The following COL21A1 variants were observed in gnomAD, a reference collection of about 807,000 sequenced individuals.
The protein encoded by COL21A1 is collagen alpha-1(XXI) chain.
Under a neutral mutation model 137.9 loss-of-function variants are expected in COL21A1, and 149 were observed. The ratio of observed to expected loss-of-function variants is 1.08; its 90% CI spans 0.95 to 1.24. The LOEUF is 1.24. COL21A1 is among the 50% of genes most tolerant of loss of function. The pLI is 0.00. For missense variants in COL21A1, 1,167 were observed against 1,158.4 expected, an observed-to-expected ratio of 1.01 and a Z score of -0.11; for synonymous variants, 456 against 391.5, an observed-to-expected ratio of 1.16 and a Z score of -1.95.
intron 1 of COL21A1, among the ~76,000 whole-genome samples, chr6:56,237,388 C>T (rs1341086877): frequency 6.6e-6 from 1 of 152,108 alleles, no homozygotes; most frequent in African/African-American, 2.4e-5. Flanking sequence ...ATGATAAATG[C>T]TAATCCTTAG....
chr6:56,340,866 T>C (rs1765451760), intron 1 of COL21A1, among the ~76,000 whole-genome samples: 1 of 152,176 alleles, frequency 6.6e-6, no homozygotes. Context: ...GAGCAAGTAA[T>C]CTATGTTCTC....
At chr6:56,329,262 T>A (rs1765168246) in intron 1 of COL21A1, among the ~76,000 whole-genome samples, 1 of 152,086 alleles carries the variant, frequency 6.6e-6, no homozygotes, top group South Asian at 2.1e-4. Flanking sequence ...TGTGTACATA[T>A]AATCACACAC....
At chr6:56,079,956 C>A (rs571429594) in intron 17 of COL21A1, among the ~76,000 whole-genome samples, 1 of 151,694 alleles carries the variant, frequency 6.6e-6, no homozygotes, top group Admixed American at 6.6e-5. Context: ...CAAGCATGCA[C>A]AGAATACCAG....
At chr6:56,289,777 G>A (rs769850207) in intron 1 of COL21A1, among the ~76,000 whole-genome samples, 6 of 151,980 alleles carry the variant, frequency 3.9e-5, no homozygotes, top group Non-Finnish European at 8.8e-5. Context: ...GGGGATTGAG[G>A]TCTTGAGTTT....
chr6:56,217,569 T>C (rs769567185), intron 1 of COL21A1, among the ~76,000 whole-genome samples: 2 of 152,128 alleles, frequency 1.3e-5, no homozygotes, highest in Non-Finnish European at 2.9e-5. Context: ...AGATAGAATC[T>C]GAAGCACAAT....
chr6:56,064,796 A>C (rs1247192895), intron 23 of COL21A1, among the ~76,000 whole-genome samples, 174 bp from the exon 24 acceptor site: 1 of 152,106 alleles, frequency 6.6e-6, no homozygotes, highest in African/African-American at 2.4e-5. Flanking sequence ...AAAAAGAAGA[A>C]GAAAAGTCAT....
chr6:56,367,001 T>G (rs1323167714), intron 1 of COL21A1, among the ~76,000 whole-genome samples: 1 of 152,232 alleles, frequency 6.6e-6, no homozygotes, highest in Non-Finnish European at 1.5e-5. Flanking sequence ...TTTTCAGAGT[T>G]AGACCTTTAC....
At chr6:56,203,432 A>G (rs1779537632) in intron 1 of COL21A1, among the ~76,000 whole-genome samples, 4 of 152,182 alleles carry the variant, frequency 2.6e-5, no homozygotes, top group Admixed American at 2.0e-4. Flanking sequence ...AATCATCAGT[A>G]AGTAACTCTA....
chr6:56,196,990 G>C (rs1779064104), intron 1 of COL21A1, among the ~76,000 whole-genome samples: 1 of 152,014 alleles, frequency 6.6e-6, no homozygotes, highest in Non-Finnish European at 1.5e-5. Context: ...ATATTATAAA[G>C]CTATAGTAAT....
chr6:56,088,827 C>T lies in COL21A1; in HGVS notation c.1813-11254G>A, dbSNP rs149045050. On this transcript the variant is annotated intron_variant, in intron 17 of 29. Transcript: ENST00000244728. ...AGATAGTGTCTCACTCACTCTACCA[C>T]CCAGGCTGGAGTACAGTGGAGTGAT... Among the ~76,000 whole-genome samples the T allele has an allele frequency of 2.3e-3, 344 of 152,266 alleles. 3 individuals are homozygous for T. Among genetic ancestry groups the T allele is most frequent in the African/African-American group, 7.7e-3 (322 of 41,556 alleles).
chr6:56,270,714 G>A (rs902587081), intron 1 of COL21A1, among the ~76,000 whole-genome samples: 1 of 152,122 alleles, frequency 6.6e-6, no homozygotes, highest in South Asian at 2.1e-4. Flanking sequence ...TGAAACATAG[G>A]GGTGGTTTCT....
At chr6:56,325,973 T>C (rs1238290750) in intron 1 of COL21A1, among the ~76,000 whole-genome samples, 1 of 634 alleles carries the variant, frequency 1.6e-3, no homozygotes, top group South Asian at 0.05. Flanking sequence ...ATATATATTA[T>C]ATATTATATA....
At chr6:56,270,231 C>T (rs1031529458) in intron 1 of COL21A1, among the ~76,000 whole-genome samples, 6 of 152,222 alleles carry the variant, frequency 3.9e-5, no homozygotes, top group South Asian at 2.1e-4. Flanking sequence ...AGATCTACCC[C>T]GCAAATGGAA....
intron 17 of COL21A1, among the ~76,000 whole-genome samples, chr6:56,092,541 T>C (rs1012134893): frequency 6.6e-6 from 1 of 152,136 alleles, no homozygotes; most frequent in Non-Finnish European, 1.5e-5. Context: ...TAAAAATACA[T>C]GATAATTTAA....
intron 28 of COL21A1, 144 bp downstream of exon 28, chr6:56,059,874 C>A: frequency 1.8e-6 from 1 of 564,122 alleles, no homozygotes; most frequent in Admixed American, 4.1e-5. Context: ...CTCTTTAATT[C>A]AGTTGGCAAA....
intron 1 of COL21A1, among the ~76,000 whole-genome samples, chr6:56,359,022 T>C (rs1765902243): frequency 6.6e-6 from 1 of 151,750 alleles, no homozygotes; most frequent in East Asian, 1.9e-4. Flanking sequence ...TATAATATAT[T>C]GAATAATTTT....
chr6:56,118,025 A>G (rs1399056216), intron 16 of COL21A1, among the ~76,000 whole-genome samples: 2 of 151,972 alleles, frequency 1.3e-5, no homozygotes, highest in African/African-American at 4.8e-5. Context: ...ATCTTAAAGA[A>G]TTAGAAAAGC....
At chr6:56,125,833 T>C (rs919495632) in intron 13 of COL21A1, among the ~76,000 whole-genome samples, 5 of 152,132 alleles carry the variant, frequency 3.3e-5, no homozygotes, top group Admixed American at 6.5e-5. Flanking sequence ...ACAAGGCTTA[T>C]AGTTTAAGGC....
chr6:56,196,424 G>A lies in COL21A1; in HGVS notation c.-38-13768C>T, dbSNP rs574737418. 2.0e-5 allele frequency among the ~76,000 whole-genome samples: 3 copies of A among 152,156 alleles called. No homozygotes were observed. In the East Asian group the frequency reaches 5.8e-4, roughly 29 times the overall value. On this transcript the variant is annotated intron_variant, in intron 1 of 29. Coordinates refer to ENST00000244728, the MANE Select transcript of COL21A1 (RefSeq NM_030820.4). ...ATCCAAATTGGAAAGGAAGAAGTAA[G>A]ATTGTCTCTATTAGCATGTGACATA...
Sources: gnomAD v4.1 joint callset for allele counts (sites outside exome capture counted in the v4.1 genomes callset) on GRCh38, gnomAD v4.1.1 for gene constraint, MANE v1.5 for transcripts, NCBI Gene and HGNC (gene_info 2026-07-23, HGNC 2026-07-21) for gene names.